The following TTLL5 variants were observed in gnomAD, a reference collection of about 807,000 sequenced individuals.
TTLL5 encodes the protein tubulin polyglutamylase TTLL5.
In TTLL5, 132 loss-of-function variants were observed where a neutral mutation model predicts 168.4. That is an observed-to-expected ratio of 0.78 (90% CI 0.68 to 0.91). TTLL5 has a LOEUF of 0.91. Ranked by LOEUF, TTLL5 falls within the 40% of genes least tolerant of loss-of-function variation. The pLI is 0.00. For synonymous variants in TTLL5, 546 were observed against 558.6 expected, an observed-to-expected ratio of 0.98 and a Z score of 0.32; for missense variants, 1,545 against 1,581.5, an observed-to-expected ratio of 0.98 and a Z score of 0.39.
rs368157538 is a variant in TTLL5 at position 75,916,579 on chromosome 14, A to G, written c.3823+14355A>G. ...CTTGAGCTGGGAGGTCGAGGCTGCC[A>G]TGATCCATGATCACACCAGGGCACT... On this transcript the variant is annotated intron_variant, in intron 31 of 31. Transcript: ENST00000298832. Among the ~76,000 whole-genome samples the G allele has an allele frequency of 7.9e-5, 12 of 152,052 alleles. No individual in the cohort carries two copies. In the East Asian group the frequency reaches 9.8e-4, roughly 12 times the overall value.
intron 31 of TTLL5, among the ~76,000 whole-genome samples, chr14:75,949,949 AT>A (rs1226320685): frequency 6.6e-6 from 1 of 152,056 alleles, no homozygotes; most frequent in African/African-American, 2.4e-5. Flanking sequence ...GTTTATTTTT[AT>A]TTTTTGAAAT....
intron 28 of TTLL5, among the ~76,000 whole-genome samples, chr14:75,839,351 A>G (rs1373332340): frequency 1.3e-5 from 2 of 152,184 alleles, no homozygotes; most frequent in African/African-American, 4.8e-5. Context: ...AAGGGTTCCA[A>G]TTTTGCCACA....
chr14:75,836,847 A>T (rs545823656), intron 28 of TTLL5, among the ~76,000 whole-genome samples: 4 of 152,324 alleles, frequency 2.6e-5, no homozygotes, highest in African/African-American at 9.6e-5. Flanking sequence ...CCAGTGATAG[A>T]CCATCATGAA....
At chr14:75,737,755 A>G (rs979371337) in intron 15 of TTLL5, 21 of 803,008 alleles carry the variant, frequency 2.6e-5, no homozygotes, top group Non-Finnish European at 3.9e-5. Flanking sequence ...AAATGAATGC[A>G]TAGAAGTCTT....
In TTLL5 at chr14:75,953,396, C is replaced by T. The variant is rs2035020490; in HGVS notation, c.3824-1028C>T. Among the ~76,000 whole-genome samples the T allele has an allele frequency of 2.0e-5, 3 of 152,240 alleles. 1 individual carries two copies. The highest frequency in any genetic ancestry group is 7.2e-5 in the African/African-American group (3 of 41,536). ...CAGCAATTCCCCTCCTAAGTGTATA[C>T]CCAAAGAAATTCTACCAGTAGTATA... On this transcript the variant is annotated intron_variant, in intron 31 of 31. Transcript: ENST00000298832.
chr14:75,740,935 C>T (rs1889223373), intron 15 of TTLL5, among the ~76,000 whole-genome samples: 2 of 152,004 alleles, frequency 1.3e-5, no homozygotes, highest in Admixed American at 6.5e-5. Context: ...TGTTTTTGCC[C>T]CTCAATTATG....
At chr14:75,780,407 A>G (rs1891977963) in intron 24 of TTLL5, among the ~76,000 whole-genome samples, 1 of 152,170 alleles carries the variant, frequency 6.6e-6, no homozygotes, top group Non-Finnish European at 1.5e-5. Context: ...GGGGGATTCC[A>G]TGGTTGGGGA....
intron 5 of TTLL5, among the ~76,000 whole-genome samples, chr14:75,686,161 G>C (rs990076626): frequency 1.4e-4 from 22 of 152,310 alleles, no homozygotes; most frequent in African/African-American, 5.3e-4. Context: ...TACCACAAAG[G>C]TTCTTAGTTG....
chr14:75,869,257 A>C (rs1220440351), intron 29 of TTLL5, among the ~76,000 whole-genome samples: 1 of 152,106 alleles, frequency 6.6e-6, no homozygotes, highest in Non-Finnish European at 1.5e-5. Flanking sequence ...TTGCCAAGCC[A>C]AACTTTTATT....
At chr14:75,708,115 C>T (rs1292888962) in intron 9 of TTLL5, among the ~76,000 whole-genome samples, 1 of 152,158 alleles carries the variant, frequency 6.6e-6, no homozygotes, top group Non-Finnish European at 1.5e-5. Flanking sequence ...ATATGCCAGG[C>T]ATTTATTTTC....
chr14:75,760,148 T>C (rs1175170264), intron 18 of TTLL5, among the ~76,000 whole-genome samples: 2 of 152,058 alleles, frequency 1.3e-5, no homozygotes. Flanking sequence ...TAGCAAGGTC[T>C]TAGGATACAA....
At chr14:75,914,033 A>AAAAAAAAAAAAAAATATATATAT in intron 31 of TTLL5, among the ~76,000 whole-genome samples, 116 of 70,938 alleles carry the variant, frequency 1.6e-3, no homozygotes, top group Non-Finnish European at 2.1e-3. Context: ...AAAAAAAAAA[A>AAAAAAAAAAAAAAATATATATAT]ATATATATAT....
At chr14:75,908,749 T>C (rs2033248023) in intron 31 of TTLL5, among the ~76,000 whole-genome samples, 1 of 152,122 alleles carries the variant, frequency 6.6e-6, no homozygotes, top group South Asian at 2.1e-4. Flanking sequence ...GGGCTAATTA[T>C]ATTAACTATA....
chr14:75,850,655 G>A (rs529696911), intron 28 of TTLL5, among the ~76,000 whole-genome samples: 1 of 152,162 alleles, frequency 6.6e-6, no homozygotes, highest in Admixed American at 6.5e-5. Flanking sequence ...TGAATACCTG[G>A]GATGACAGGC....
chr14:75,953,304 T>C (rs2035017863), intron 31 of TTLL5, among the ~76,000 whole-genome samples: 1 of 152,128 alleles, frequency 6.6e-6, no homozygotes. Context: ...AGAGGGAGTG[T>C]AAATTGTATA....
chr14:75,940,371 G>T (rs1444946180), intron 31 of TTLL5, among the ~76,000 whole-genome samples: 1 of 151,906 alleles, frequency 6.6e-6, no homozygotes, highest in East Asian at 1.9e-4. Flanking sequence ...GAGCCACCGC[G>T]CCCGGCCGAA....
chr14:75,928,965 A>G (rs2034179886), intron 31 of TTLL5, among the ~76,000 whole-genome samples: 1 of 152,104 alleles, frequency 6.6e-6, no homozygotes, highest in Non-Finnish European at 1.5e-5. Context: ...TAAGCATCGT[A>G]AAGCATCCCA....
At chr14:75,940,096 T>G (rs2034552852) in intron 31 of TTLL5, among the ~76,000 whole-genome samples, 1 of 148,272 alleles carries the variant, frequency 6.7e-6, no homozygotes, top group South Asian at 2.2e-4. Flanking sequence ...TTTTTTTTTT[T>G]TTTGAGATGG....
At chr14:75,743,759 T>G (rs1297971542) in intron 15 of TTLL5, among the ~76,000 whole-genome samples, 1 of 151,890 alleles carries the variant, frequency 6.6e-6, no homozygotes, top group Non-Finnish European at 1.5e-5. Context: ...TTTTTTGTAT[T>G]TTTAGTAGAG....
Sources: allele counts gnomAD v4.1 joint callset (sites outside exome capture counted in the v4.1 genomes callset), GRCh38; gene constraint gnomAD v4.1.1; transcripts MANE v1.5; gene names NCBI Gene and HGNC (gene_info 2026-07-23, HGNC 2026-07-21).